The following SORCS1 variants were observed in gnomAD, a reference collection of about 807,000 sequenced individuals.
SORCS1 encodes VPS10 domain-containing receptor SorCS1.
Under a neutral mutation model 146.1 loss-of-function variants are expected in SORCS1, and 60 were observed. That is an observed-to-expected ratio of 0.41 (90% confidence interval 0.33 to 0.51). The LOEUF (loss-of-function observed/expected upper bound fraction) is 0.51, where lower values mean the gene tolerates loss of function less well. Among genes scored for constraint, SORCS1 ranks in the 20% least tolerant of loss-of-function variants. The probability of loss-of-function intolerance (pLI) is 0.21; values close to 1 mark genes in which losing one functional copy is unlikely to be tolerated. For synonymous variants in SORCS1, 637 were observed against 584.0 expected, an observed-to-expected ratio of 1.09 and a Z score of -1.31; for missense variants, 1,352 against 1,487.6, an observed-to-expected ratio of 0.91 and a Z score of 1.50.
At chr10:106,907,876 G>A (rs1165610833) in intron 2 of SORCS1, among the ~76,000 whole-genome samples, 3 of 147,398 alleles carry the variant, frequency 2.0e-5, no homozygotes, top group African/African-American at 5.0e-5. Context: ...GCAGTGAGCC[G>A]AGATCACACC....
At chr10:107,107,700 C>A (rs1268953399) in intron 1 of SORCS1, among the ~76,000 whole-genome samples, 1 of 152,162 alleles carries the variant, frequency 6.6e-6, no homozygotes, top group African/African-American at 2.4e-5. Context: ...TCCAGGGGAG[C>A]CCGATATTCA....
Position 106,858,606 on chromosome 10 carries a change from T to A in SORCS1, c.627-28933A>T, listed in dbSNP as rs577186449. Among the ~76,000 whole-genome samples, 25 of 40,384 alleles carry A rather than the reference T, an allele frequency of 6.2e-4. 1 individual carries two copies. In the East Asian group the frequency reaches 0.013, roughly 20 times the overall value. 26.5% of individuals were successfully genotyped at this position (40,384 alleles called of 152,430 possible). On this transcript the variant is annotated intron_variant, in intron 2 of 25. Transcript: ENST00000263054. ...CTGGGAGACAGAGCAAGCCTCTGTC[T>A]CAAAAAAAAAAAAAAAAAAAGGAAA...
intron 18 of SORCS1, among the ~76,000 whole-genome samples, chr10:106,645,733 TA>T (rs1355901506): frequency 1.3e-5 from 2 of 152,002 alleles, no homozygotes; most frequent in Non-Finnish European, 2.9e-5. Flanking sequence ...TTTTGCATAA[TA>T]AAAATAATAA....
intron 9 of SORCS1, among the ~76,000 whole-genome samples, chr10:106,691,461 TTA>T (rs1275669120): frequency 1.1e-3 from 172 of 152,356 alleles, no homozygotes; most frequent in African/African-American, 4.0e-3. Context: ...TCAAAAGTAA[TTA>T]ATAGTTATTT....
chr10:106,794,788 C>A (rs932131883), intron 3 of SORCS1, among the ~76,000 whole-genome samples: 1 of 152,140 alleles, frequency 6.6e-6, no homozygotes, highest in African/African-American at 2.4e-5. Context: ...CAGGCGTGAG[C>A]CACCACACCG....
At chr10:106,595,860 A>G (rs149224677) in intron 24 of SORCS1, among the ~76,000 whole-genome samples, 1 of 152,340 alleles carries the variant, frequency 6.6e-6, no homozygotes, top group East Asian at 1.9e-4. Flanking sequence ...CACCTACTCC[A>G]TGAAACAATC....
chr10:106,597,553 T>G (rs993796865), intron 23 of SORCS1, 103 bp from the exon 24 acceptor site: 2 of 790,396 alleles, frequency 2.5e-6, no homozygotes, highest in Non-Finnish European at 4.2e-6. Context: ...CACAATATTA[T>G]ACCCGTGAGT....
chr10:107,023,317 G>C (rs1425744786), intron 1 of SORCS1, among the ~76,000 whole-genome samples: 1 of 152,122 alleles, frequency 6.6e-6, no homozygotes, highest in Non-Finnish European at 1.5e-5. Flanking sequence ...AAACGATCAA[G>C]GGCTCTCCCT....
chr10:107,154,209 G>A (rs1969085810), intron 1 of SORCS1, among the ~76,000 whole-genome samples: 1 of 151,744 alleles, frequency 6.6e-6, no homozygotes, highest in South Asian at 2.1e-4. Context: ...CTCCATGTTG[G>A]CCAGGCTGGC....
At chr10:107,018,870 G>A (rs1025266386) in intron 1 of SORCS1, among the ~76,000 whole-genome samples, 2 of 152,224 alleles carry the variant, frequency 1.3e-5, no homozygotes, top group Admixed American at 6.5e-5. Flanking sequence ...AAGAAAGAAC[G>A]TTTTTAAAAC....
intron 13 of SORCS1, 118 bp downstream of exon 13, chr10:106,677,195 G>T: frequency 1.1e-6 from 1 of 944,658 alleles, no homozygotes; most frequent in Non-Finnish European, 1.6e-6. Context: ...CCAAACCTCG[G>T]CATTTTGGTA....
chr10:107,065,145 G>T (rs1961620368), intron 1 of SORCS1, among the ~76,000 whole-genome samples: 1 of 152,154 alleles, frequency 6.6e-6, no homozygotes, highest in South Asian at 2.1e-4. Flanking sequence ...AGGGTGGGGG[G>T]AGGCAGGGAT....
intron 23 of SORCS1, among the ~76,000 whole-genome samples, chr10:106,601,664 T>C (rs1846248439): frequency 5.9e-5 from 9 of 152,162 alleles, no homozygotes; most frequent in Admixed American, 5.9e-4. Context: ...GAAAGGTCAA[T>C]TTTTTGCTCA....
intron 1 of SORCS1, among the ~76,000 whole-genome samples, chr10:106,995,208 G>A (rs557525382): frequency 1.3e-5 from 2 of 151,896 alleles, no homozygotes; most frequent in East Asian, 3.9e-4. Flanking sequence ...CAGCTACTCG[G>A]GAGGCTGAGG....
At chr10:106,756,122 A>G (rs1258644372) in intron 5 of SORCS1, among the ~76,000 whole-genome samples, 1 of 144,326 alleles carries the variant, frequency 6.9e-6, no homozygotes, top group African/African-American at 2.5e-5. Flanking sequence ...GAGCAAGACA[A>G]TGTCTCAAAA....
intron 14 of SORCS1, among the ~76,000 whole-genome samples, chr10:106,674,154 A>AG (rs1384142679): frequency 7.0e-6 from 1 of 141,906 alleles, no homozygotes; most frequent in African/African-American, 2.8e-5. Flanking sequence ...GTCTCTACTA[A>AG]AAAAAAAAAA....
At chr10:106,984,524 G>A (rs1472246992) in intron 1 of SORCS1, among the ~76,000 whole-genome samples, 1 of 151,340 alleles carries the variant, frequency 6.6e-6, no homozygotes, top group East Asian at 2.0e-4. Context: ...CTCCTGAGTA[G>A]CTGGGACTAC....
Position 107,156,018 on chromosome 10 carries a change from A to G in SORCS1, c.558+7951T>C, listed in dbSNP as rs1268055722. Among the ~76,000 whole-genome samples, 4 of 152,274 alleles carry G rather than the reference A, an allele frequency of 2.6e-5. No homozygotes were observed. The East Asian group carries it at 7.7e-4, about 29-fold the overall frequency. ...CCAGAAGCCACTTGTGGGGATGGAC[A>G]CAGGTGAGGGCTTCAACCCAAACAG... On this transcript the variant is annotated intron_variant, in intron 1 of 25. Coordinates refer to ENST00000263054, the MANE Select transcript of SORCS1 (RefSeq NM_052918.5).
At chr10:106,885,595 A>C (rs1950966741) in intron 2 of SORCS1, among the ~76,000 whole-genome samples, 1 of 152,202 alleles carries the variant, frequency 6.6e-6, no homozygotes, top group Non-Finnish European at 1.5e-5. Flanking sequence ...GCAGCCTCAG[A>C]ATAGGGGAAG....
Sources: gnomAD v4.1 joint callset for allele counts (sites outside exome capture counted in the v4.1 genomes callset) on GRCh38, gnomAD v4.1.1 for gene constraint, MANE v1.5 for transcripts, NCBI Gene and HGNC (gene_info 2026-07-23, HGNC 2026-07-21) for gene names.